FGD4: variants seen among roughly 807,000 people sequenced by gnomAD.
FGD4 encodes the protein FYVE, RhoGEF and PH domain containing 4.
FGD4 carries 42 observed loss-of-function variants against 102.0 expected under a neutral mutation model. That is an observed-to-expected ratio of 0.41 (90% CI 0.32 to 0.53). FGD4 has a LOEUF of 0.53. Ranked by LOEUF, FGD4 falls within the 20% of genes least tolerant of loss-of-function variation. The pLI, the probability that FGD4 is intolerant of heterozygous loss-of-function variation, is 0.21. For synonymous variants in FGD4, 380 were observed against 375.7 expected (o/e 1.01, Z -0.13); for missense variants, 902 against 1,078.2 (o/e 0.84, Z 2.29).
At chr12:32,615,826 T>G (rs1359496405) in intron 10 of FGD4, among the ~76,000 whole-genome samples, 1 of 152,038 alleles carries the variant, frequency 6.6e-6, no homozygotes, top group East Asian at 1.9e-4. Context: ...TCTTTAGGGG[T>G]TAGGGGCTGT....
rs1330805628 is a variant in FGD4, at chr12:32,645,475, C to T, written c.*4942C>T. 6.6e-6 allele frequency: 1 copy of T among 151,898 alleles called. No individual in the cohort carries two copies. The highest frequency in any genetic ancestry group is 2.4e-5 in the African/African-American group (1 of 41,308). The allele number at this position is 151,898 out of a possible 1,614,324, so 9.4% of individuals were successfully genotyped here. On this transcript the variant is annotated 3_prime_UTR_variant, in exon 17 of 17. Transcript: ENST00000534526. ...TGGCCAACATGGTGAAACCCTGTCT[C>T]TACTAAATAAAAATAAAACAAAATA...
chr12:32,526,313 A>T (rs935283633), intron 1 of FGD4, among the ~76,000 whole-genome samples: 1 of 151,654 alleles, frequency 6.6e-6, no homozygotes, highest in African/African-American at 2.4e-5. Flanking sequence ...AAATACACCA[A>T]TCGGCACTCT....
intron 1 of FGD4, among the ~76,000 whole-genome samples, chr12:32,451,546 C>A (rs962148777): frequency 6.6e-6 from 1 of 152,044 alleles, no homozygotes; most frequent in African/African-American, 2.4e-5. Flanking sequence ...GATTTAGTTT[C>A]TTTTGTGTTT....
chr12:32,533,499 C>T (rs970953028), intron 1 of FGD4, among the ~76,000 whole-genome samples: 1 of 152,206 alleles, frequency 6.6e-6, no homozygotes, highest in African/African-American at 2.4e-5. Flanking sequence ...AATCTCAGCT[C>T]ACTGCAACCT....
chr12:32,522,846 T>G (rs1489970869), intron 1 of FGD4, among the ~76,000 whole-genome samples: 2 of 152,262 alleles, frequency 1.3e-5, no homozygotes, highest in African/African-American at 4.8e-5. Context: ...CTGAGGCTTT[T>G]GGCAGGCACT....
chr12:32,476,054 G>A (rs1006633803), intron 1 of FGD4, among the ~76,000 whole-genome samples: 1 of 152,106 alleles, frequency 6.6e-6, no homozygotes, highest in Non-Finnish European at 1.5e-5. Flanking sequence ...TTAGTTGGGT[G>A]CATGAGTTCA....
intron 10 of FGD4, among the ~76,000 whole-genome samples, chr12:32,617,195 A>G (rs906284787): frequency 6.6e-5 from 10 of 152,250 alleles, no homozygotes; most frequent in African/African-American, 2.4e-4. Flanking sequence ...TACTCTTGAA[A>G]TAAACTGTCT....
chr12:32,564,097 C>T, intron 1 of FGD4, 40 bp from the exon 2 acceptor site: 1 of 1,522,282 alleles, frequency 6.6e-7, no homozygotes. Flanking sequence ...TTGTGATATG[C>T]CTCCATACTT....
rs554435481 is a variant in FGD4 at position 32,464,309 on chromosome 12, C to A, written c.166+64350C>A. ...CTGGGACTACAGGCGCGCACCACTT[C>A]GCCCGGCTAATTTTTTCTGTTTTAG... On this transcript the variant is annotated intron_variant, in intron 1 of 16. Transcript: ENST00000534526. Among the ~76,000 whole-genome samples, 70 of 152,224 alleles carry A rather than the reference C, an allele frequency of 4.6e-4. 1 individual carries two copies. Among genetic ancestry groups the A allele is most frequent in the African/African-American group, 1.6e-3 (67 of 41,544 alleles).
chr12:32,615,865 G>A (rs905952758), intron 10 of FGD4, among the ~76,000 whole-genome samples: 21 of 152,200 alleles, frequency 1.4e-4, no homozygotes, highest in African/African-American at 5.1e-4. Flanking sequence ...ATTGGGGCAG[G>A]AGAATAGTGT....
chr12:32,524,524 T>TAAAA lies in FGD4; in HGVS notation c.167-39604_167-39601dup, dbSNP rs113473656. On this transcript the variant is annotated intron_variant, in intron 1 of 16. Transcript: ENST00000534526. ...CCTTTAAAGACAGCTATAATTCAAATAAAAAAAAAAAACAGAAAAAAATAT... is the reference window on the plus strand; with the variant it reads ...CCTTTAAAGACAGCTATAATTCAAATAAAAAAAAAAAAAAAACAGAAAAAAATAT... 7.1e-3 allele frequency among the ~76,000 whole-genome samples: 954 copies of TAAAA among 134,482 alleles called. 12 individuals carry two copies. Among genetic ancestry groups the TAAAA allele is most frequent in the African/African-American group, 0.019 (761 of 39,288 alleles). The allele number at this position is 134,482 out of a possible 152,430, so 88.2% of individuals were successfully genotyped here.
At chr12:32,566,525 A>G (rs964545653) in intron 2 of FGD4, among the ~76,000 whole-genome samples, 6 of 152,076 alleles carry the variant, frequency 3.9e-5, no homozygotes, top group African/African-American at 1.4e-4. Context: ...ACACTGCTAT[A>G]TTGCTGCATT....
chr12:32,558,747 A>G (rs1172606511), intron 1 of FGD4, among the ~76,000 whole-genome samples: 3 of 152,264 alleles, frequency 2.0e-5, no homozygotes, highest in Non-Finnish European at 4.4e-5. Flanking sequence ...CCATAGTGGC[A>G]ACCTCTGCAG....
rs766806593 is a variant in FGD4 at position 32,619,729 on chromosome 12, A to G, written c.1781A>G (p.Lys594Arg). The G allele has an allele frequency of 1.9e-6, 3 of 1,614,114 alleles. No individual in the cohort carries two copies. Among genetic ancestry groups the G allele is most frequent in the Non-Finnish European group, 2.5e-6 (3 of 1,180,026 alleles). ...AACATGTTGCTGTACTGTGTGCCCA[A>G]ATTCAGCTTGGTAGGCTCTAAATTC... Reference protein sequence around the residue: ...FNNMLLYCVPKFSLVGSKFTV... With the variant: ...FNNMLLYCVPRFSLVGSKFTV... The change falls in exon 11 of 17, where the codon AAA (lysine) becomes AGA (arginine). Residue 594 changes from lysine (K) to arginine (R), a missense_variant. This residue lies in a region of FGD4 where 459 missense variants were observed against 619.0 expected (regional missense o/e 0.74). Transcript: ENST00000534526.
intron 4 of FGD4, among the ~76,000 whole-genome samples, chr12:32,592,121 C>T (rs1031390073): frequency 2.6e-5 from 4 of 152,062 alleles, no homozygotes; most frequent in Admixed American, 6.5e-5. Context: ...CTCACTCTTT[C>T]GCCCAGGCTG....
chr12:32,535,985 A>G (rs1406116381), intron 1 of FGD4, among the ~76,000 whole-genome samples: 1 of 152,224 alleles, frequency 6.6e-6, no homozygotes, highest in East Asian at 1.9e-4. Flanking sequence ...AGAAGACAGT[A>G]ATATAGCACT....
chr12:32,533,705 G>A (rs908492553), intron 1 of FGD4, among the ~76,000 whole-genome samples: 8 of 152,160 alleles, frequency 5.3e-5, no homozygotes, highest in Non-Finnish European at 1.2e-4. Context: ...GATTACAGGC[G>A]TTAGCCGCCG....
intron 4 of FGD4, among the ~76,000 whole-genome samples, chr12:32,595,868 A>T (rs1047722286): frequency 6.6e-6 from 1 of 152,238 alleles, no homozygotes; most frequent in Admixed American, 6.5e-5. Flanking sequence ...GCTATACCTG[A>T]GGACTTCACC....
intron 1 of FGD4, among the ~76,000 whole-genome samples, chr12:32,423,591 CAAAAA>C (rs35872227): frequency 1.4e-5 from 1 of 72,896 alleles, no homozygotes. Context: ...GACTTCATCT[CAAAAA>C]AAAAAAAAAA....
Sources: allele counts gnomAD v4.1 joint callset (sites outside exome capture counted in the v4.1 genomes callset), GRCh38; gene constraint gnomAD v4.1.1; regional missense constraint gnomAD v4.1.1; transcripts MANE v1.5; gene names NCBI Gene and HGNC (gene_info 2026-07-23, HGNC 2026-07-21).